PPARA: variants seen among roughly 807,000 people sequenced by gnomAD.
PPARA encodes peroxisome proliferator-activated receptor alpha.
In PPARA, 22 loss-of-function variants were observed where a neutral mutation model predicts 42.2. The observed-to-expected ratio is 0.52, with a 90% CI of 0.37 to 0.74. PPARA has a LOEUF of 0.74. Among genes scored for constraint, PPARA ranks in the 30% least tolerant of loss-of-function variants. The probability of loss-of-function intolerance (pLI) is 0.00; values close to 1 mark genes in which losing one functional copy is unlikely to be tolerated. For synonymous variants in PPARA, 242 were observed against 239.3 expected (o/e 1.01, Z -0.10); for missense variants, 465 against 608.2 (o/e 0.76, Z 2.48).
rs1431654638 is a variant in PPARA at position 46,211,457 on chromosome 22, G to C, written c.209-3716G>C. ...AGATTCCAATCATTCCAAATTATTC[G>C]GTGCAGCGCCTTTCCGCACCTGCAC... On this transcript the variant is annotated intron_variant, in intron 4 of 8. Transcript: ENST00000407236. The surrounding 1 kb of genome is among the most constrained non-coding windows in gnomAD (Gnocchi z 4.1). Among the ~76,000 whole-genome samples, 1 of 152,084 alleles carries C rather than the reference G, an allele frequency of 6.6e-6. No individual in the cohort carries two copies. Among genetic ancestry groups the C allele is most frequent in the African/African-American group, 2.4e-5 (1 of 41,420 alleles).
In PPARA at chr22:46,209,860, C is replaced by T. The variant is rs530928513; in HGVS notation, c.209-5313C>T. On this transcript the variant is annotated intron_variant, in intron 4 of 8. Transcript: ENST00000407236. ...TCCTCGTCTCAAGGAATCCTCCCAC[C>T]TCAGCCTCCTATGTAGCTGGGACCA... Among the ~76,000 whole-genome samples the T allele has an allele frequency of 4.7e-4, 71 of 152,266 alleles. 1 individual carries two copies. The highest frequency in any genetic ancestry group is 1.7e-3 in the African/African-American group (69 of 41,550).
chr22:46,232,282 G>A lies in PPARA; in HGVS notation c.1159+43G>A. On this transcript the variant is annotated intron_variant, in intron 8 of 8. Transcript: ENST00000407236. The surrounding 1 kb of genome is among the most constrained non-coding windows in gnomAD (Gnocchi z 5.3). ...TCTGCTGGTATCATGTCACTGACAG[G>A]CTCCTGTCTTGAAAAATTTGACAAT... The A allele has an allele frequency of 5.0e-6, 8 of 1,600,910 alleles. No individual in the cohort carries two copies. Among genetic ancestry groups the A allele is most frequent in the Non-Finnish European group, 6.8e-6 (8 of 1,168,494 alleles).
At chr22:46,229,245 ATATT>A (rs1222448024) in intron 7 of PPARA, among the ~76,000 whole-genome samples, 2 of 152,080 alleles carry the variant, frequency 1.3e-5, no homozygotes. Flanking sequence ...TCCTTGAAAA[ATATT>A]TATTTAGTTC....
At position 46,235,100 on chromosome 22, in the gene PPARA, C is replaced by T; in HGVS notation, c.1160-33C>T. The T allele has an allele frequency of 2.5e-6, 4 of 1,613,762 alleles. No homozygotes were observed. Among genetic ancestry groups the T allele is most frequent in the Non-Finnish European group, 3.4e-6 (4 of 1,179,718 alleles). ...ATAAGCAGTTCTTGGGTGATTATCA[C>T]ACTCAAACCTCTCTCTCTTCTTTCG... On this transcript the variant is annotated intron_variant, in intron 8 of 8. Transcript: ENST00000407236. The surrounding 1 kb of genome is among the most constrained non-coding windows in gnomAD (Gnocchi z 7.0).
chr22:46,235,444 G>T lies in PPARA; in HGVS notation c.*64G>T. 6.3e-7 allele frequency: 1 copy of T among 1,591,280 alleles called. No homozygotes were observed. Reference sequence around the variant, plus strand: ...AAGCTGACAGCACTACAAAGGAGACGGGGGAGCAGCACGATTTTGCACAAA... The same window carrying T: ...AAGCTGACAGCACTACAAAGGAGACTGGGGAGCAGCACGATTTTGCACAAA... On this transcript the variant is annotated 3_prime_UTR_variant, in exon 9 of 9. Transcript: ENST00000407236. This position sits in a 1 kb window ranked among gnomAD's most constrained non-coding sequence, Gnocchi z 7.0.
At chr22:46,229,983 T>C (rs1377572310) in intron 7 of PPARA, among the ~76,000 whole-genome samples, 2 of 152,232 alleles carry the variant, frequency 1.3e-5, no homozygotes, top group African/African-American at 2.4e-5. Context: ...TCAGAAGCAT[T>C]GTCAGTGGTT....
rs1041433115 is a variant in PPARA at position 46,190,144 on chromosome 22, T to A, written c.-42-8198T>A. 6.6e-6 allele frequency among the ~76,000 whole-genome samples: 1 copy of A among 152,214 alleles called. No homozygotes were observed. Among genetic ancestry groups the A allele is most frequent in the Non-Finnish European group, 1.5e-5 (1 of 68,042 alleles). On this transcript the variant is annotated intron_variant, in intron 3 of 8. Coordinates refer to ENST00000407236, the MANE Select transcript of PPARA (RefSeq NM_005036.6). The surrounding 1 kb of genome is among the most constrained non-coding windows in gnomAD (Gnocchi z 5.6). ...AAAGACTTCTAGATGTTAAATATGA[T>A]ATTCAAAAAATATAAAGACAAGGTG...
intron 2 of PPARA, among the ~76,000 whole-genome samples, chr22:46,157,443 TCTTC>T (rs927316397): frequency 3.7e-4 from 56 of 152,178 alleles, no homozygotes; most frequent in African/African-American, 1.4e-3. Context: ...AGAGAGCTCT[TCTTC>T]CTTCTGTAGG....
chr22:46,202,810 C>T (rs776385963), intron 4 of PPARA, among the ~76,000 whole-genome samples: 11 of 149,702 alleles, frequency 7.3e-5, no homozygotes, highest in Non-Finnish European at 1.2e-4. Flanking sequence ...TTGCAGTGAG[C>T]CAAGATCACA....
In PPARA at chr22:46,188,005, A is replaced by G. The variant is rs1931047346; in HGVS notation, c.-42-10337A>G. On this transcript the variant is annotated intron_variant, in intron 3 of 8. Coordinates refer to ENST00000407236, the MANE Select transcript of PPARA (RefSeq NM_005036.6). This position sits in a 1 kb window ranked among gnomAD's most constrained non-coding sequence, Gnocchi z 5.0. ...TGAGAAGCCTGAGGTGGCCTCTGTG[A>G]GGATGAAAGACTTCATGGTGAGAAA... is the stretch of plus-strand genomic sequence containing the variant. 6.6e-6 allele frequency among the ~76,000 whole-genome samples: 1 copy of G among 152,222 alleles called. No individual in the cohort carries two copies. The highest frequency in any genetic ancestry group is 2.4e-5 in the African/African-American group (1 of 41,468).
At position 46,241,795 on chromosome 22, in the gene PPARA, T is replaced by A. The variant is rs761769443; in HGVS notation, c.*6415T>A. 6.6e-6 allele frequency: 1 copy of A among 151,982 alleles called. No homozygotes were observed. The highest frequency in any genetic ancestry group is 1.5e-5 in the Non-Finnish European group (1 of 68,018). 9.4% of individuals were successfully genotyped at this position (151,982 alleles called of 1,614,324 possible). On this transcript the variant is annotated 3_prime_UTR_variant, in exon 9 of 9. Transcript: ENST00000407236. This position sits in a 1 kb window ranked among gnomAD's most constrained non-coding sequence, Gnocchi z 5.7. ...ACAACTGCATCCTTTTGGAGTCCTT[T>A]GCCAACAAAAACAGACCAACAGACC...
In PPARA at chr22:46,191,552, G is replaced by A. The variant is rs1931554133; in HGVS notation, c.-42-6790G>A. ...CCCTGTGATGATTAAAATTCACTCT[G>A]CAAATTAGATCACCTTTCCCACGCA... On this transcript the variant is annotated intron_variant, in intron 3 of 8. Transcript: ENST00000407236. This position sits in a 1 kb window ranked among gnomAD's most constrained non-coding sequence, Gnocchi z 4.6. Among the ~76,000 whole-genome samples, 1 of 148,986 alleles carries A rather than the reference G, an allele frequency of 6.7e-6. No individual in the cohort carries two copies. The highest frequency in any genetic ancestry group is 2.5e-5 in the African/African-American group (1 of 40,284).
intron 4 of PPARA, 67 bp downstream of exon 4, chr22:46,198,658 CTTTTTTTTTT>C (rs777398787): frequency 9.5e-6 from 8 of 843,756 alleles, no homozygotes; most frequent in African/African-American, 2.2e-5. Flanking sequence ...ACTGTTCTCT[CTTTTTTTTTT>C]TTTTTTTTTT....
chr22:46,168,049 T>C (rs981821424), intron 2 of PPARA, among the ~76,000 whole-genome samples: 4 of 151,550 alleles, frequency 2.6e-5, no homozygotes, highest in African/African-American at 9.7e-5. Context: ...AGACTAAGAC[T>C]CAGTCTCTTA....
rs1393257947 is a variant in PPARA, at chr22:46,233,527, C to A, written c.1159+1288C>A. On this transcript the variant is annotated intron_variant, in intron 8 of 8. Coordinates refer to ENST00000407236, the MANE Select transcript of PPARA (RefSeq NM_005036.6). This position sits in a 1 kb window ranked among gnomAD's most constrained non-coding sequence, Gnocchi z 7.3. The stretch of plus-strand genomic sequence containing the variant: ...AGCTGACTCAGCCCTACCAGCCGTG[C>A]CCGTTACTGTGTGGCTGGGCACAAG... Among the ~76,000 whole-genome samples, 1 of 152,196 alleles carries A rather than the reference C, an allele frequency of 6.6e-6. No homozygotes were observed. The highest frequency in any genetic ancestry group is 1.5e-5 in the Non-Finnish European group (1 of 68,038).
Position 46,204,866 on chromosome 22 carries a change from G to GTTTGT in PPARA, c.208+6289_208+6293dup, listed in dbSNP as rs1404177292. 1.3e-5 allele frequency among the ~76,000 whole-genome samples: 2 copies of GTTTGT among 151,304 alleles called. No homozygotes were observed. The highest frequency in any genetic ancestry group is 4.9e-5 in the African/African-American group (2 of 41,146). On this transcript the variant is annotated intron_variant, in intron 4 of 8. Coordinates refer to ENST00000407236, the MANE Select transcript of PPARA (RefSeq NM_005036.6). The surrounding 1 kb of genome is among the most constrained non-coding windows in gnomAD (Gnocchi z 5.2). ...AAAAAAAAAGAAAAAAGATTGTTTTGTTTGTTTTGTTTTGTTTTTGAGATA... is the reference window on the plus strand; with the variant it reads ...AAAAAAAAAGAAAAAAGATTGTTTTGTTTGTTTTGTTTTGTTTTGTTTTTGAGATA...
intron 7 of PPARA, among the ~76,000 whole-genome samples, chr22:46,223,911 G>C (rs1279822830): frequency 2.1e-5 from 3 of 141,366 alleles, no homozygotes; most frequent in East Asian, 2.1e-4. Context: ...GATCACACCG[G>C]TGCACTCCAG....
In PPARA at chr22:46,222,475, C is replaced by A. The variant is rs912538801; in HGVS notation, c.711+2461C>A. Among the ~76,000 whole-genome samples the A allele has an allele frequency of 1.3e-5, 2 of 152,208 alleles. No homozygotes were observed. The highest frequency in any genetic ancestry group is 2.9e-5 in the Non-Finnish European group (2 of 68,032). On this transcript the variant is annotated intron_variant, in intron 7 of 8. Coordinates refer to ENST00000407236, the MANE Select transcript of PPARA (RefSeq NM_005036.6). The surrounding 1 kb of genome is among the most constrained non-coding windows in gnomAD (Gnocchi z 5.9). Reference sequence around the variant, plus strand: ...CTTTCATGAACAAACCAAACCTCTTCTTTACTGAGTCCTTTAATTCTTCAG... The same window carrying A: ...CTTTCATGAACAAACCAAACCTCTTATTTACTGAGTCCTTTAATTCTTCAG...
At position 46,225,822 on chromosome 22, in the gene PPARA, C is replaced by T. The variant is rs1469400941; in HGVS notation, c.711+5808C>T. Among the ~76,000 whole-genome samples, 2 of 151,622 alleles carry T rather than the reference C, an allele frequency of 1.3e-5. No individual in the cohort carries two copies. Among genetic ancestry groups the T allele is most frequent in the African/African-American group, 4.9e-5 (2 of 41,170 alleles). ...ATACACGTGCACCCACACATGCACA[C>T]AGACGCACCTCCACCCCCACACACG... On this transcript the variant is annotated intron_variant, in intron 7 of 8. Coordinates refer to ENST00000407236, the MANE Select transcript of PPARA (RefSeq NM_005036.6). This position sits in a 1 kb window ranked among gnomAD's most constrained non-coding sequence, Gnocchi z 4.1.
Sources: allele counts gnomAD v4.1 joint callset (sites outside exome capture counted in the v4.1 genomes callset), GRCh38; gene constraint gnomAD v4.1.1; non-coding constraint Gnocchi (gnomAD v3.1); transcripts MANE v1.5; gene names NCBI Gene and HGNC (gene_info 2026-07-23, HGNC 2026-07-21).